CDYL2: variants seen among roughly 807,000 people sequenced by gnomAD.
CDYL2 encodes chromodomain Y-like protein 2.
A neutral mutation model predicts 49.4 loss-of-function variants in CDYL2; 23 were observed. The observed-to-expected ratio is 0.47, with a 90% CI of 0.34 to 0.66. The LOEUF is 0.66. CDYL2 is among the 30% of genes least tolerant of loss of function. The probability of loss-of-function intolerance (pLI) is 0.01; values close to 1 mark genes in which losing one functional copy is unlikely to be tolerated. For synonymous variants in CDYL2, 360 were observed against 268.8 expected (o/e 1.34, Z -3.32); for missense variants, 678 against 656.4 (o/e 1.03, Z -0.36).
intron 2 of CDYL2, among the ~76,000 whole-genome samples, chr16:80,651,749 T>G (rs750528025): frequency 7.9e-4 from 121 of 152,310 alleles, no homozygotes; most frequent in South Asian, 3.3e-3. Flanking sequence ...GAGCGGAGTT[T>G]GTGAAACTAA....
chr16:80,638,063 G>T lies in CDYL2; in HGVS notation c.617-4827C>A, dbSNP rs139373229. Among the ~76,000 whole-genome samples the T allele has an allele frequency of 4.2e-4, 64 of 151,444 alleles. No homozygotes were observed. In the East Asian group the frequency reaches 9.3e-3, roughly 22 times the overall value. On this transcript the variant is annotated intron_variant, in intron 2 of 6. Coordinates refer to ENST00000570137, the MANE Select transcript of CDYL2 (RefSeq NM_152342.4). ...AAATGGAGAAATAATCTGTGTTAAT[G>T]AATTGAAAGACTCCATTTTTTTTTT... is the stretch of plus-strand genomic sequence containing the variant.
rs1905912976 is a variant in CDYL2, at chr16:80,597,948, T to C, written c.*6440A>G. 6.6e-6 allele frequency: 1 copy of C among 152,202 alleles called. No individual in the cohort carries two copies. The highest frequency in any genetic ancestry group is 2.4e-5 in the African/African-American group (1 of 41,462). 9.4% of individuals were successfully genotyped at this position (152,202 alleles called of 1,614,324 possible). On this transcript the variant is annotated 3_prime_UTR_variant, in exon 7 of 7. Transcript: ENST00000570137. ...ATTCAAAGCAGCTTCTCACAATGTATAAATACTGCATATTAGCACACATGA... is the reference window on the plus strand; with the variant it reads ...ATTCAAAGCAGCTTCTCACAATGTACAAATACTGCATATTAGCACACATGA...
chr16:80,803,524 G>T (rs920071337), intron 1 of CDYL2, among the ~76,000 whole-genome samples: 6 of 152,098 alleles, frequency 3.9e-5, no homozygotes, highest in Admixed American at 1.3e-4. Context: ...GGGGGCAGCA[G>T]GTGGGGGGTG....
At chr16:80,630,162 C>G (rs1907494199) in intron 3 of CDYL2, among the ~76,000 whole-genome samples, 1 of 152,186 alleles carries the variant, frequency 6.6e-6, no homozygotes, top group Non-Finnish European at 1.5e-5. Flanking sequence ...ATACTCAATC[C>G]CCTTCAGTTG....
rs539588591 is a variant in CDYL2, at chr16:80,763,190, T to A, written c.24+40960A>T. On this transcript the variant is annotated intron_variant, in intron 1 of 6. Transcript: ENST00000570137. ...CCACCAGAAGCAACGATTCAGCATT[T>A]GCTAATCCGGTGTTCGAGGGCAACT... is the stretch of plus-strand genomic sequence containing the variant. Among the ~76,000 whole-genome samples the A allele has an allele frequency of 2.6e-5, 4 of 151,728 alleles. No homozygotes were observed. In the East Asian group the frequency reaches 7.8e-4, roughly 29 times the overall value.
In CDYL2 at chr16:80,612,693, G is replaced by A. The variant is rs1567539720; in HGVS notation, c.1151C>T (p.Ala384Val). 6.2e-7 allele frequency: 1 copy of A among 1,613,376 alleles called. No individual in the cohort carries two copies. Among genetic ancestry groups the A allele is most frequent in the Non-Finnish European group, 8.5e-7 (1 of 1,179,972 alleles). Residue 384 changes from alanine (A) to valine (V), a missense_variant, in exon 5 of 7, where the codon GCC becomes GTC. Physicochemically the swap from Ala to Val is moderately conservative, Grantham distance 64 (BLOSUM62 0). Around this residue, in one of 3 missense-constraint regions of CDYL2, gnomAD observed 47 missense variants for 78.8 expected, o/e 0.60. Transcript: ENST00000570137. This position sits in a 1 kb window ranked among gnomAD's most constrained non-coding sequence, Gnocchi z 5.0. The stretch of plus-strand genomic sequence containing the variant: ...GCCAGCAGGCGTGAGGCGGATGGTG[G>A]CGTAGGGCGTCTGGAACCAGGCCTT... ...SEKAWFQTPY[A>V]TIRLTPAGCS...
intron 2 of CDYL2, among the ~76,000 whole-genome samples, chr16:80,666,079 A>G (rs900185289): frequency 8.5e-5 from 13 of 152,200 alleles, no homozygotes; most frequent in Non-Finnish European, 1.6e-4. Context: ...ATGAGGCGCC[A>G]GGACCCACTG....
intron 3 of CDYL2, chr16:80,627,733 G>A (rs1019533832): frequency 6.6e-6 from 1 of 152,126 alleles, no homozygotes; most frequent in East Asian, 1.9e-4. Context: ...TCACCTGCTG[G>A]CCTATAACAG....
chr16:80,748,504 A>G (rs1298062046), intron 1 of CDYL2, among the ~76,000 whole-genome samples: 3 of 108,978 alleles, frequency 2.8e-5, no homozygotes, highest in East Asian at 2.5e-4. Context: ...GCAAAACTCC[A>G]TTAAAAAAAA....
chr16:80,693,734 G>C (rs560442908), intron 1 of CDYL2, among the ~76,000 whole-genome samples: 1 of 152,284 alleles, frequency 6.6e-6, no homozygotes, highest in South Asian at 2.1e-4. Context: ...AAACTGTTCT[G>C]CGTGGTCCTA....
chr16:80,756,862 T>TAAA (rs35273155), intron 1 of CDYL2, among the ~76,000 whole-genome samples: 1 of 147,878 alleles, frequency 6.8e-6, no homozygotes, highest in East Asian at 2.0e-4. Flanking sequence ...TATAAATTAG[T>TAAA]AAAAAAAAAA....
At chr16:80,668,860 C>T (rs1179367367) in intron 2 of CDYL2, among the ~76,000 whole-genome samples, 4 of 152,036 alleles carry the variant, frequency 2.6e-5, no homozygotes, top group African/African-American at 9.7e-5. Flanking sequence ...GATCACCCCA[C>T]TGCACTCCAA....
upstream of CDYL2, among the ~76,000 whole-genome samples, chr16:80,804,771 G>C (rs1908050554): frequency 6.6e-6 from 1 of 150,532 alleles, no homozygotes; most frequent in East Asian, 2.0e-4. Context: ...GGGGCGGCGG[G>C]CCAGGTGCCC....
chr16:80,678,822 T>A (rs530225805), intron 2 of CDYL2, among the ~76,000 whole-genome samples: 3 of 151,234 alleles, frequency 2.0e-5, no homozygotes, highest in Admixed American at 6.6e-5. Context: ...CGTATGTTTA[T>A]TGCGGCACTA....
chr16:80,761,762 T>C (rs1200496116), intron 1 of CDYL2, among the ~76,000 whole-genome samples: 1 of 151,872 alleles, frequency 6.6e-6, no homozygotes, highest in East Asian at 1.9e-4. Flanking sequence ...AACTATTATA[T>C]GTTAATAAAA....
At chr16:80,722,290 G>A (rs923285221) in intron 1 of CDYL2, among the ~76,000 whole-genome samples, 1 of 152,152 alleles carries the variant, frequency 6.6e-6, no homozygotes, top group Non-Finnish European at 1.5e-5. Context: ...TCTGGAGCAG[G>A]GCTGGGCACC....
At chr16:80,653,501 AAG>A (rs1278990938) in intron 2 of CDYL2, among the ~76,000 whole-genome samples, 1 of 152,138 alleles carries the variant, frequency 6.6e-6, no homozygotes, top group Non-Finnish European at 1.5e-5. Context: ...AAAAACAAAA[AAG>A]TGAAATTTAT....
At chr16:80,762,200 A>T (rs950376704) in intron 1 of CDYL2, among the ~76,000 whole-genome samples, 1 of 152,114 alleles carries the variant, frequency 6.6e-6, no homozygotes, top group African/African-American at 2.4e-5. Context: ...AATAAATAAA[A>T]AACAAAAAAA....
chr16:80,786,215 C>T (rs1194912260), intron 1 of CDYL2, among the ~76,000 whole-genome samples: 1 of 152,208 alleles, frequency 6.6e-6, no homozygotes, highest in African/African-American at 2.4e-5. Context: ...ATCTATCCAT[C>T]TGACAAAGGG....
Sources: gnomAD v4.1 joint callset for allele counts (sites outside exome capture counted in the v4.1 genomes callset) on GRCh38, gnomAD v4.1.1 for gene constraint, gnomAD v4.1.1 regional missense constraint, Gnocchi (gnomAD v3.1) non-coding constraint, MANE v1.5 for transcripts, NCBI Gene and HGNC (gene_info 2026-07-23, HGNC 2026-07-21) for gene names.